Variants in ROBO2 observed in about 807,000 individuals in gnomAD.
ROBO2 encodes roundabout homolog 2.
A neutral mutation model predicts 160.8 loss-of-function variants in ROBO2; 53 were observed. The ratio of observed to expected loss-of-function variants is 0.33; its 90% confidence interval spans 0.26 to 0.41. The LOEUF (loss-of-function observed/expected upper bound fraction) is 0.41. Among genes scored for constraint, ROBO2 ranks in the 10% least tolerant of loss-of-function variants. ROBO2 has a pLI of 1.00. For missense variants in ROBO2, 1,577 were observed against 1,722.4 expected, an observed-to-expected ratio of 0.92 and a Z score of 1.49; for synonymous variants, 664 against 611.7, an observed-to-expected ratio of 1.09 and a Z score of -1.26.
At chr3:77,318,198 C>A (rs940846739) in intron 2 of ROBO2, among the ~76,000 whole-genome samples, 1 of 151,846 alleles carries the variant, frequency 6.6e-6, no homozygotes, top group African/African-American at 2.4e-5. Context: ...CAGGCACCTG[C>A]TATTTTTGTA....
chr3:77,425,483 C>A (rs1031262391), intron 2 of ROBO2, among the ~76,000 whole-genome samples: 2 of 151,904 alleles, frequency 1.3e-5, no homozygotes, highest in African/African-American at 4.8e-5. Context: ...ATGAAGTCAC[C>A]CATACTCCAT....
intron 2 of ROBO2, among the ~76,000 whole-genome samples, chr3:76,835,307 C>A (rs902382379): frequency 2.0e-5 from 3 of 150,130 alleles, no homozygotes; most frequent in African/African-American, 2.4e-5. Context: ...ATGACACATA[C>A]AATGTGTTAT....
At chr3:76,241,313 T>C (rs1191141549) in intron 2 of ROBO2, among the ~76,000 whole-genome samples, 1 of 152,138 alleles carries the variant, frequency 6.6e-6, no homozygotes, top group Non-Finnish European at 1.5e-5. Context: ...AAAGAAAGAC[T>C]AAGAAGTTGT....
chr3:76,383,706 A>G (rs1374302366), intron 2 of ROBO2, among the ~76,000 whole-genome samples: 2 of 152,122 alleles, frequency 1.3e-5, no homozygotes, highest in Non-Finnish European at 2.9e-5. Context: ...TGGTGGTCAC[A>G]GGTCAGTCAT....
chr3:76,491,595 C>A (rs944474834), intron 2 of ROBO2, among the ~76,000 whole-genome samples: 1 of 152,112 alleles, frequency 6.6e-6, no homozygotes, highest in Non-Finnish European at 1.5e-5. Flanking sequence ...GATATTCTAC[C>A]TTTGTTTTGC....
intron 16 of ROBO2, among the ~76,000 whole-genome samples, chr3:77,586,655 G>T (rs1486934515): frequency 1.3e-5 from 2 of 151,758 alleles, no homozygotes; most frequent in African/African-American, 2.4e-5. Context: ...TAATAAAAAT[G>T]AAATATTATG....
intron 2 of ROBO2, among the ~76,000 whole-genome samples, chr3:76,443,112 A>G (rs1333110441): frequency 6.6e-6 from 1 of 151,642 alleles, no homozygotes; most frequent in African/African-American, 2.4e-5. Flanking sequence ...ACATGGCGAG[A>G]GAGGAAGGAA....
At chr3:76,236,960 C>A (rs1468755311) in intron 2 of ROBO2, among the ~76,000 whole-genome samples, 1 of 151,792 alleles carries the variant, frequency 6.6e-6, no homozygotes, top group African/African-American at 2.4e-5. Context: ...AGTTAAATTA[C>A]CAAAGCTAAT....
At chr3:76,751,926 G>C (rs1383449624) in intron 2 of ROBO2, among the ~76,000 whole-genome samples, 5 of 152,100 alleles carry the variant, frequency 3.3e-5, no homozygotes, top group African/African-American at 1.2e-4. Flanking sequence ...ATTTGACCCA[G>C]CCATCCCATT....
chr3:76,455,134 A>G (rs2077684806), intron 2 of ROBO2, among the ~76,000 whole-genome samples: 1 of 152,150 alleles, frequency 6.6e-6, no homozygotes, highest in African/African-American at 2.4e-5. Context: ...GAATGTTTTC[A>G]TTGTAGGATA....
intron 2 of ROBO2, among the ~76,000 whole-genome samples, chr3:76,375,413 G>T (rs187049254): frequency 6.6e-6 from 1 of 151,900 alleles, no homozygotes; most frequent in African/African-American, 2.4e-5. Context: ...GTACTTCCAC[G>T]CATGCAGTCA....
chr3:77,041,729 T>C (rs946411165), intron 1 of ROBO2, among the ~76,000 whole-genome samples: 7 of 152,188 alleles, frequency 4.6e-5, no homozygotes, highest in African/African-American at 1.7e-4. Flanking sequence ...GTTAAAAGAA[T>C]ATTTGCTGTT....
At chr3:76,067,227 A>T (rs1347648761) in intron 2 of ROBO2, among the ~76,000 whole-genome samples, 1 of 152,196 alleles carries the variant, frequency 6.6e-6, no homozygotes, top group Admixed American at 6.5e-5. Context: ...TCTGTTAAAA[A>T]TGGGGATAAT....
intron 2 of ROBO2, among the ~76,000 whole-genome samples, chr3:76,147,016 A>T (rs923438265): frequency 2.0e-5 from 3 of 151,272 alleles, no homozygotes; most frequent in Admixed American, 1.3e-4. Context: ...AAATAAGAGT[A>T]CTAGGTTTAA....
intron 2 of ROBO2, among the ~76,000 whole-genome samples, chr3:76,424,496 G>T (rs1018140215): frequency 2.6e-5 from 4 of 152,268 alleles, no homozygotes; most frequent in Non-Finnish European, 5.9e-5. Context: ...GTTGCTGCCA[G>T]GAGCTGGGGG....
chr3:76,859,362 A>G (rs554534004), intron 2 of ROBO2, among the ~76,000 whole-genome samples: 1 of 152,310 alleles, frequency 6.6e-6, no homozygotes, highest in Non-Finnish European at 1.5e-5. Context: ...TAAAAGTAAA[A>G]TATCTTTGTG....
chr3:77,134,307 T>C (rs146604122), intron 2 of ROBO2, among the ~76,000 whole-genome samples: 1 of 152,212 alleles, frequency 6.6e-6, no homozygotes, highest in African/African-American at 2.4e-5. Context: ...ACCGAAAGAA[T>C]TAAAAAATAT....
intron 2 of ROBO2, among the ~76,000 whole-genome samples, chr3:76,376,866 G>A (rs2076372234): frequency 1.3e-5 from 2 of 152,070 alleles, no homozygotes; most frequent in African/African-American, 4.8e-5. Flanking sequence ...GTGGACCCCT[G>A]GCTTTTGAAA....
At chr3:76,266,904 G>A (rs1002302974) in intron 2 of ROBO2, among the ~76,000 whole-genome samples, 5 of 152,080 alleles carry the variant, frequency 3.3e-5, no homozygotes, top group African/African-American at 1.2e-4. Flanking sequence ...ATAAGTAAGT[G>A]ACTCTAATCC....
Sources: gnomAD v4.1 joint callset for allele counts (sites outside exome capture counted in the v4.1 genomes callset) on GRCh38, gnomAD v4.1.1 for gene constraint, MANE v1.5 for transcripts, NCBI Gene and HGNC (gene_info 2026-07-23, HGNC 2026-07-21) for gene names.